Variants in SPMIP5 observed in about 807,000 individuals in gnomAD.
The protein encoded by SPMIP5 is sperm microtubule inner protein 5.
chr10:116,664,056 G>T, the SPMIP5 span: 1 of 1,601,620 alleles, frequency 6.2e-7, no homozygotes. Context: ...TTCCATCTAG[G>T]AGAGGAACCG....
At chr10:116,664,318 A>G in the SPMIP5 span, 29 of 1,281,550 alleles carry the variant, frequency 2.3e-5, no homozygotes, top group Middle Eastern at 4.1e-4. Context: ...TTTATTAAGA[A>G]TAGAATAATA....
the SPMIP5 span, chr10:116,665,669 G>A: frequency 2.4e-5 from 39 of 1,613,978 alleles, no homozygotes; most frequent in African/African-American, 3.1e-4. Context: ...CCGTCTCCTC[G>A]GAGTTGACAG....
the SPMIP5 span, chr10:116,664,807 C>G: frequency 1.2e-6 from 2 of 1,614,148 alleles, no homozygotes; most frequent in East Asian, 4.5e-5. Flanking sequence ...TCCGTGATCT[C>G]CAGGAAGTCC....
At chr10:116,663,785 G>A in the SPMIP5 span, 27 of 1,122,976 alleles carry the variant, frequency 2.4e-5, no homozygotes, top group Admixed American at 1.2e-4. Flanking sequence ...GGATGCAGGC[G>A]GCAGTTAAAA....
the SPMIP5 span, among the ~76,000 whole-genome samples, chr10:116,663,087 C>T: frequency 6.7e-6 from 1 of 149,870 alleles, no homozygotes; most frequent in African/African-American, 2.5e-5. Context: ...GAGGCTGAGG[C>T]AGGAGAATGG....
At chr10:116,669,507 C>A in the SPMIP5 span, among the ~76,000 whole-genome samples, 1 of 152,152 alleles carries the variant, frequency 6.6e-6, no homozygotes, top group Non-Finnish European at 1.5e-5. Context: ...CTCTCAACAG[C>A]CCCATGATAT....
chr10:116,665,172 A>G, the SPMIP5 span: 1 of 1,217,044 alleles, frequency 8.2e-7, no homozygotes, highest in Middle Eastern at 3.1e-4. Context: ...TGAGGCAGGC[A>G]GATCACCTGA....
the SPMIP5 span, chr10:116,664,919 C>T: frequency 6.2e-7 from 1 of 1,613,756 alleles, no homozygotes; most frequent in Non-Finnish European, 8.5e-7. Flanking sequence ...TCGGGGGCTC[C>T]TGGAGAGGTT....
the SPMIP5 span, chr10:116,665,681 T>A: frequency 6.2e-7 from 1 of 1,614,024 alleles, no homozygotes; most frequent in Non-Finnish European, 8.5e-7. Flanking sequence ...AGTTGACAGG[T>A]TTCAGTTTCG....
the SPMIP5 span, chr10:116,665,705 T>A: frequency 6.2e-7 from 1 of 1,614,196 alleles, no homozygotes; most frequent in African/African-American, 1.3e-5. Flanking sequence ...CAGTGGCCAC[T>A]GCGCAGCACA....
chr10:116,664,603 G>A, the SPMIP5 span: 6 of 1,386,288 alleles, frequency 4.3e-6, no homozygotes, highest in South Asian at 1.6e-5. Context: ...CCTGCCTACT[G>A]GGGAAGCCCT....
At chr10:116,665,872 C>A in the SPMIP5 span, 12 of 1,536,578 alleles carry the variant, frequency 7.8e-6, no homozygotes, top group Non-Finnish European at 9.8e-6. Context: ...GACTGGCCAG[C>A]AAGGAATTCA....
At chr10:116,664,334 T>C in the SPMIP5 span, 4 of 1,135,920 alleles carry the variant, frequency 3.5e-6, no homozygotes, top group Non-Finnish European at 4.9e-6. Context: ...TAATAATAAA[T>C]AGAATAAAAT....
At chr10:116,662,640 C>G in the SPMIP5 span, among the ~76,000 whole-genome samples, 1 of 152,028 alleles carries the variant, frequency 6.6e-6, no homozygotes, top group Non-Finnish European at 1.5e-5. Flanking sequence ...TCTCATTGTC[C>G]CAGGAGCTGT....
the SPMIP5 span, chr10:116,664,576 G>T: frequency 2.5e-6 from 3 of 1,192,722 alleles, no homozygotes; most frequent in South Asian, 1.8e-5. Context: ...CTGAGCACAG[G>T]TTGGGAGCAG....
the SPMIP5 span, among the ~76,000 whole-genome samples, chr10:116,666,654 C>T: frequency 1.3e-5 from 2 of 152,084 alleles, no homozygotes; most frequent in Admixed American, 1.3e-4. Context: ...CTGGAAGAAC[C>T]TAATTACTAA....
At chr10:116,667,187 AAG>A in the SPMIP5 span, among the ~76,000 whole-genome samples, 5 of 152,182 alleles carry the variant, frequency 3.3e-5, no homozygotes, top group South Asian at 6.2e-4. Context: ...TGTGAGGATG[AAG>A]AGAGTGACTG....
chr10:116,668,970 C>CACACACACACACAA, the SPMIP5 span, among the ~76,000 whole-genome samples: 4 of 143,426 alleles, frequency 2.8e-5, no homozygotes, highest in Middle Eastern at 3.5e-3. Context: ...CACACACACA[C>CACACACACACACAA]AAACAAGGGA....
At chr10:116,665,056 G>A in the SPMIP5 span, 8 of 1,500,912 alleles carry the variant, frequency 5.3e-6, no homozygotes, top group Non-Finnish European at 7.0e-6. Flanking sequence ...CTAGTTCTCA[G>A]ACCAGCACCC....
Sources: allele counts gnomAD v4.1 joint callset (sites outside exome capture counted in the v4.1 genomes callset), GRCh38; gene constraint gnomAD v4.1.1; transcripts MANE v1.5; gene names NCBI Gene and HGNC (gene_info 2026-07-23, HGNC 2026-07-21).